ATF7IP2: variants seen among roughly 807,000 people sequenced by gnomAD.
ATF7IP2 encodes activating transcription factor 7 interacting protein 2.
A neutral mutation model predicts 64.2 loss-of-function variants in ATF7IP2; 42 were observed. The ratio of observed to expected loss-of-function variants is 0.65; its 90% CI spans 0.51 to 0.85. The LOEUF is 0.85. Ranked by LOEUF, ATF7IP2 falls within the 40% of genes least tolerant of loss-of-function variation. The pLI is 0.00. For missense variants in ATF7IP2, 933 were observed against 784.2 expected (o/e 1.19, Z -2.27); for synonymous variants, 308 against 272.8 (o/e 1.13, Z -1.27).
intron 12 of ATF7IP2, among the ~76,000 whole-genome samples, chr16:10,479,509 G>C (rs1596646454): frequency 6.6e-6 from 1 of 152,042 alleles, no homozygotes; most frequent in Non-Finnish European, 1.5e-5. Context: ...TGTAGGGTAG[G>C]GGGAGTGGGG....
intron 9 of ATF7IP2, 161 bp from the exon 10 acceptor site, chr16:10,471,949 T>C: frequency 2.3e-6 from 1 of 430,366 alleles, no homozygotes; most frequent in Non-Finnish European, 4.1e-6. Flanking sequence ...ATAAATGGAG[T>C]TTTTTTGGGT....
At chr16:10,449,307 A>G (rs1286028890) in intron 8 of ATF7IP2, 1 of 152,200 alleles carries the variant, frequency 6.6e-6, no homozygotes, top group Non-Finnish European at 1.5e-5. Context: ...TGGTATCAGG[A>G]TGACGCTGGA....
chr16:10,455,944 A>G (rs987950604), intron 8 of ATF7IP2, among the ~76,000 whole-genome samples: 7 of 152,068 alleles, frequency 4.6e-5, no homozygotes, highest in Non-Finnish European at 8.8e-5. Context: ...CTTGTAAACT[A>G]TGAATTTGGA....
chr16:10,411,525 C>T (rs2047759868), intron 1 of ATF7IP2, among the ~76,000 whole-genome samples: 1 of 152,014 alleles, frequency 6.6e-6, no homozygotes, highest in Admixed American at 6.6e-5. Flanking sequence ...CGTGTGCCAC[C>T]ATTCCTGGCT....
intron 8 of ATF7IP2, among the ~76,000 whole-genome samples, chr16:10,441,672 A>C (rs1175038190): frequency 1.3e-5 from 2 of 152,146 alleles, no homozygotes; most frequent in Non-Finnish European, 2.9e-5. Flanking sequence ...AGATTGCAAA[A>C]ATTTTCTCCC....
intron 1 of ATF7IP2, among the ~76,000 whole-genome samples, chr16:10,405,952 G>A (rs2047630532): frequency 6.6e-6 from 1 of 152,076 alleles, no homozygotes; most frequent in South Asian, 2.1e-4. Context: ...AGCTGGGTGT[G>A]GTGGCACGTG....
chr16:10,390,770 A>T (rs2047305671), intron 1 of ATF7IP2, among the ~76,000 whole-genome samples: 1 of 152,180 alleles, frequency 6.6e-6, no homozygotes, highest in African/African-American at 2.4e-5. Flanking sequence ...GCTGGGTGAC[A>T]AAGTGTGACT....
intron 7 of ATF7IP2, among the ~76,000 whole-genome samples, chr16:10,438,472 C>T (rs900736235): frequency 1.3e-5 from 2 of 151,072 alleles, no homozygotes; most frequent in African/African-American, 2.4e-5. Flanking sequence ...ATGCTTCCCT[C>T]AAACTCCTGA....
At chr16:10,436,187 C>A (rs1328229439) in intron 6 of ATF7IP2, among the ~76,000 whole-genome samples, 1 of 152,120 alleles carries the variant, frequency 6.6e-6, no homozygotes, top group Non-Finnish European at 1.5e-5. Context: ...AATGGTGAAA[C>A]CCTGTCTCGG....
intron 9 of ATF7IP2, among the ~76,000 whole-genome samples, chr16:10,470,689 T>TG (rs550224158): frequency 6.1e-4 from 92 of 151,880 alleles, no homozygotes; most frequent in Middle Eastern, 3.4e-3. Flanking sequence ...GAGGCCGAGA[T>TG]GAGAGGATCT....
intron 9 of ATF7IP2, among the ~76,000 whole-genome samples, chr16:10,469,172 G>C (rs1347777015): frequency 6.6e-6 from 1 of 152,076 alleles, no homozygotes; most frequent in Non-Finnish European, 1.5e-5. Flanking sequence ...AGAATGAAGT[G>C]ATCTACCTAG....
At chr16:10,449,342 T>C (rs1397092392) in intron 8 of ATF7IP2, 2 of 152,238 alleles carry the variant, frequency 1.3e-5, no homozygotes, top group Non-Finnish European at 2.9e-5. Flanking sequence ...TAGGGAGGAT[T>C]CCCTCTTTTT....
chr16:10,480,769 T>A (rs534569797), intron 12 of ATF7IP2, 110 bp from the exon 13 acceptor site: 16 of 783,742 alleles, frequency 2.0e-5, no homozygotes, highest in Admixed American at 4.3e-5. Flanking sequence ...CACAGTTTTA[T>A]AATTTTAATT....
At chr16:10,414,335 A>G (rs2047827242) in intron 1 of ATF7IP2, among the ~76,000 whole-genome samples, 2 of 151,918 alleles carry the variant, frequency 1.3e-5, no homozygotes, top group Admixed American at 6.6e-5. Flanking sequence ...GTCAAGCTCT[A>G]AAGTTCTCTT....
In ATF7IP2 at chr16:10,482,273, AC is replaced by A; in HGVS notation, c.*25del. The A allele has an allele frequency of 6.7e-7, 1 of 1,483,974 alleles. No individual in the cohort carries two copies. 91.9% of individuals were successfully genotyped at this position (1,483,974 alleles called of 1,614,324 possible). ...AAAAGGTGTTTAATAATGATATACTACTTTTTTTTTCATATTTGTTTGTTTG... is the reference window on the plus strand; with the variant it reads ...AAAAGGTGTTTAATAATGATATACTATTTTTTTTTCATATTTGTTTGTTTG... On this transcript the variant is annotated 3_prime_UTR_variant, in exon 14 of 14. Coordinates refer to ENST00000562102, the MANE Select transcript of ATF7IP2 (RefSeq NM_001393719.1).
rs750448067 is a variant in ATF7IP2 at position 10,438,173 on chromosome 16, A to C, written c.1033A>C (p.Asn345His). The part of the protein sequence containing the change: ...ELFDKKLKEL[N>H]QRIGKTECRN... ...ATTTGATAAGAAACTGAAAGAATTGAACCAACGCATTGGGAAGACAGAGTG... is the reference window on the plus strand; with the variant it reads ...ATTTGATAAGAAACTGAAAGAATTGCACCAACGCATTGGGAAGACAGAGTG... Residue 345 changes from asparagine to histidine, a missense_variant, in exon 7 of 14, where the codon AAC (asparagine) becomes CAC (histidine). Physicochemically the swap from Asn to His is moderately conservative, Grantham distance 68 (BLOSUM62 1). Transcript: ENST00000562102. The C allele has an allele frequency of 6.2e-7, 1 of 1,606,542 alleles. No individual in the cohort carries two copies. Among genetic ancestry groups the C allele is most frequent in the South Asian group, 1.1e-5 (1 of 89,838 alleles).
At chr16:10,434,366 A>G (rs1375626123) in intron 6 of ATF7IP2, among the ~76,000 whole-genome samples, 1 of 152,094 alleles carries the variant, frequency 6.6e-6, no homozygotes, top group Non-Finnish European at 1.5e-5. Context: ...CACCACTACA[A>G]ATCATTACCT....
intron 9 of ATF7IP2, among the ~76,000 whole-genome samples, chr16:10,470,353 G>C (rs1022299788): frequency 2.6e-5 from 4 of 152,022 alleles, no homozygotes; most frequent in Admixed American, 6.6e-5. Flanking sequence ...AAACTACAAA[G>C]TATTACTGAA....
rs72530737 is a variant in ATF7IP2 at position 10,436,391 on chromosome 16, CT to C, written c.961-1700del. 3.6e-3 allele frequency among the ~76,000 whole-genome samples: 535 copies of C among 149,826 alleles called. 10 individuals carry two copies. In the East Asian group the frequency reaches 0.059, roughly 17 times the overall value. Reference sequence around the variant, plus strand: ...AATATAATAGTATGTGTTACTGAGCCTTTTTTTTTTAAATAATACATTTTGA... The same window carrying C: ...AATATAATAGTATGTGTTACTGAGCCTTTTTTTTTAAATAATACATTTTGA... On this transcript the variant is annotated intron_variant, in intron 6 of 13. Transcript: ENST00000562102.
Sources: gnomAD v4.1 joint callset for allele counts (sites outside exome capture counted in the v4.1 genomes callset) on GRCh38, gnomAD v4.1.1 for gene constraint, MANE v1.5 for transcripts, NCBI Gene and HGNC (gene_info 2026-07-23, HGNC 2026-07-21) for gene names.